C4orf51: variants seen among roughly 807,000 people sequenced by gnomAD.
C4orf51 encodes chromosome 4 open reading frame 51.
Under a neutral mutation model 25.2 loss-of-function variants are expected in C4orf51, and 25 were observed. The observed-to-expected ratio is 0.99, with a 90% CI of 0.72 to 1.39. The LOEUF (loss-of-function observed/expected upper bound fraction) is 1.39, where lower values mean the gene tolerates loss of function less well. Among genes scored for constraint, C4orf51 ranks in the 40% most tolerant of loss-of-function variants. The pLI, the probability that C4orf51 is intolerant of heterozygous loss-of-function variation, is 0.00. For missense variants in C4orf51, 252 were observed against 239.6 expected (o/e 1.05, Z -0.34); for synonymous variants, 100 against 84.5 (o/e 1.18, Z -1.01).
At chr4:145,733,020 G>A (rs1466148456), downstream of C4orf51, among the ~76,000 whole-genome samples, 1 of 152,182 alleles carries the variant, frequency 6.6e-6, no homozygotes, top group East Asian at 1.9e-4. Flanking sequence ...AAGCGAATTG[G>A]CTCCGACAGT....
intron 2 of C4orf51, among the ~76,000 whole-genome samples, chr4:145,723,725 T>G (rs191154609): frequency 6.6e-4 from 101 of 152,314 alleles, no homozygotes; most frequent in African/African-American, 2.2e-3. Flanking sequence ...CAGTTACAGT[T>G]CTAAGACTGG....
intron 1 of C4orf51, among the ~76,000 whole-genome samples, chr4:145,696,078 A>G (rs1030004717): frequency 6.6e-6 from 1 of 152,194 alleles, no homozygotes; most frequent in Non-Finnish European, 1.5e-5. Flanking sequence ...CCAGGCCAAC[A>G]TGGTGAAACC....
At chr4:145,744,758 C>A (rs1733276208) in intron 1 of C4orf51, among the ~76,000 whole-genome samples, 1 of 151,666 alleles carries the variant, frequency 6.6e-6, no homozygotes, top group Non-Finnish European at 1.5e-5. Flanking sequence ...GAGGCTGAGG[C>A]AAGAGAATGG....
chr4:145,718,867 A>G (rs1227745902), intron 2 of C4orf51, among the ~76,000 whole-genome samples: 1 of 152,196 alleles, frequency 6.6e-6, no homozygotes, highest in Admixed American at 6.5e-5. Flanking sequence ...GAACACAATT[A>G]TCCCAGTTCT....
chr4:145,767,950 A>G (rs1735570122), intron 1 of C4orf51, among the ~76,000 whole-genome samples: 1 of 152,248 alleles, frequency 6.6e-6, no homozygotes, highest in Admixed American at 6.5e-5. Context: ...GGATAAATTC[A>G]TAATTTTTAA....
At chr4:145,752,230 A>C (rs568411104) in intron 1 of C4orf51, among the ~76,000 whole-genome samples, 1 of 152,312 alleles carries the variant, frequency 6.6e-6, no homozygotes, top group East Asian at 1.9e-4. Flanking sequence ...AATCTCTCAC[A>C]GTAGGCACCA....
At chr4:145,784,661 T>A in the C4orf51 span, among the ~76,000 whole-genome samples, 1 of 152,226 alleles carries the variant, frequency 6.6e-6, no homozygotes, top group Non-Finnish European at 1.5e-5. Context: ...AAAGTGCACA[T>A]ATCAATAACT....
intron 2 of C4orf51, among the ~76,000 whole-genome samples, chr4:145,721,386 C>T (rs1731732672): frequency 6.6e-6 from 1 of 150,888 alleles, no homozygotes; most frequent in Non-Finnish European, 1.5e-5. Context: ...ACCAATATGT[C>T]TAGGTAGAGT....
intron 2 of C4orf51, among the ~76,000 whole-genome samples, chr4:145,697,102 T>G (rs1449271100): frequency 7.3e-5 from 2 of 27,462 alleles, no homozygotes; most frequent in Non-Finnish European, 1.4e-4. Context: ...TCTTAGCAAT[T>G]TTTTTTTTTT....
At chr4:145,743,117 G>A (rs1169183526) in intron 1 of C4orf51, among the ~76,000 whole-genome samples, 1 of 152,198 alleles carries the variant, frequency 6.6e-6, no homozygotes, top group Non-Finnish European at 1.5e-5. Context: ...TACATGGTAA[G>A]GGTCAGATTT....
chr4:145,693,177 C>A (rs867979762), intron 1 of C4orf51, among the ~76,000 whole-genome samples: 4 of 148,642 alleles, frequency 2.7e-5, no homozygotes, highest in East Asian at 2.0e-4. Flanking sequence ...GAGGACCCTG[C>A]GGCCTTCCGC....
chr4:145,742,876 C>T (rs1733177823), intron 1 of C4orf51, among the ~76,000 whole-genome samples: 1 of 152,152 alleles, frequency 6.6e-6, no homozygotes, highest in Non-Finnish European at 1.5e-5. Context: ...TATTGTGATC[C>T]ACCTGGTGAG....
At chr4:145,746,310 G>A (rs987381154) in intron 1 of C4orf51, among the ~76,000 whole-genome samples, 2 of 152,236 alleles carry the variant, frequency 1.3e-5, no homozygotes, top group African/African-American at 4.8e-5. Flanking sequence ...GTCTTGGAGA[G>A]TTTTCCCAAT....
At chr4:145,715,804 T>C (rs1038138350) in intron 2 of C4orf51, among the ~76,000 whole-genome samples, 1 of 152,200 alleles carries the variant, frequency 6.6e-6, no homozygotes, top group Admixed American at 6.5e-5. Flanking sequence ...AAAATGACCA[T>C]GTTCCATGCT....
At chr4:145,731,543 T>C (rs965780873) in intron 5 of C4orf51, among the ~76,000 whole-genome samples, 1 of 149,456 alleles carries the variant, frequency 6.7e-6, no homozygotes, top group Non-Finnish European at 1.5e-5. Flanking sequence ...CATGACTTTT[T>C]ATTTATGAGA....
the C4orf51 span, among the ~76,000 whole-genome samples, chr4:145,778,617 A>G: frequency 0.03 from 4,586 of 151,904 alleles, 217 homozygotes; most frequent in African/African-American, 0.1. Context: ...ATCTTGGGGG[A>G]AAAAAAAGAC....
the C4orf51 span, among the ~76,000 whole-genome samples, chr4:145,781,211 A>AAAAAG: frequency 1.6e-5 from 2 of 126,748 alleles, no homozygotes; most frequent in South Asian, 2.4e-4. Flanking sequence ...AAAAAAAAAA[A>AAAAAG]AAAAAAGAAA....
chr4:145,726,821 C>A, intron 2 of C4orf51, 90 bp from the exon 3 acceptor site: 1 of 1,052,578 alleles, frequency 9.5e-7, no homozygotes, highest in Non-Finnish European at 1.5e-6. Flanking sequence ...GAAGTGTGTA[C>A]AATTTGTGGT....
rs532233741 is a variant in C4orf51, at chr4:145,760,007, A to G, written n.167-10981A>G. 2.0e-5 allele frequency: 3 copies of G among 152,368 alleles called. No homozygotes were observed. In the East Asian group the frequency reaches 5.8e-4, roughly 29 times the overall value. The allele number at this position is 152,368 out of a possible 1,614,324, so 9.4% of individuals were successfully genotyped here. A position where few individuals can be genotyped will look rare whatever the true frequency, so the allele number is the denominator to read the frequency against. On this transcript the variant is annotated intron_variant and non_coding_transcript_variant, in intron 1 of 1. Coordinates refer to the C4orf51 transcript ENST00000510096. ...AAACACACTTAAGTTCTGTGATGTT[A>G]GCTGCAGTGCTGCGAGATATTTCTT...
Sources: allele counts gnomAD v4.1 joint callset (sites outside exome capture counted in the v4.1 genomes callset), GRCh38; gene constraint gnomAD v4.1.1; transcripts MANE v1.5; gene names NCBI Gene and HGNC (gene_info 2026-07-23, HGNC 2026-07-21).